Variants in CCDC73 observed in about 807,000 individuals in gnomAD.
CCDC73 encodes coiled-coil domain-containing protein 73.
A neutral mutation model predicts 116.5 loss-of-function variants in CCDC73; 95 were observed. That is an observed-to-expected ratio of 0.82 (90% CI 0.69 to 0.97). CCDC73 has a LOEUF of 0.97. CCDC73 is among the 50% of genes least tolerant of loss of function. The probability of loss-of-function intolerance (pLI) is 0.00; values close to 1 mark genes in which losing one functional copy is unlikely to be tolerated. For missense variants in CCDC73, 1,066 were observed against 1,206.8 expected, an observed-to-expected ratio of 0.88 and a Z score of 1.73; for synonymous variants, 398 against 401.3, an observed-to-expected ratio of 0.99 and a Z score of 0.10.
upstream of CCDC73, among the ~76,000 whole-genome samples, chr11:32,799,292 A>C (rs1346755468): frequency 6.6e-6 from 1 of 151,916 alleles, no homozygotes; most frequent in Non-Finnish European, 1.5e-5. Context: ...GGGTTTCACT[A>C]TGTTGGCCAG....
intron 2 of CCDC73, among the ~76,000 whole-genome samples, chr11:32,753,871 C>T (rs1850309187): frequency 6.6e-6 from 1 of 152,110 alleles, no homozygotes; most frequent in Non-Finnish European, 1.5e-5. Context: ...CTCGGCCTAC[C>T]AAAGTGCTAG....
At chr11:32,806,887 G>C in the CCDC73 span, among the ~76,000 whole-genome samples, 1 of 152,176 alleles carries the variant, frequency 6.6e-6, no homozygotes, top group Admixed American at 6.5e-5. Flanking sequence ...ACCTGCCGCG[G>C]TTTGCCACTG....
intron 1 of CCDC73, among the ~76,000 whole-genome samples, chr11:32,761,592 A>C (rs1038520503): frequency 6.6e-6 from 1 of 152,154 alleles, no homozygotes; most frequent in Non-Finnish European, 1.5e-5. Context: ...CCAAATTTCC[A>C]CCAGCATTTG....
chr11:32,674,558 T>C (rs570654698), intron 9 of CCDC73, among the ~76,000 whole-genome samples: 5 of 152,324 alleles, frequency 3.3e-5, no homozygotes, highest in African/African-American at 1.2e-4. Context: ...CAGGGTTGGT[T>C]GATCCAGTTA....
intron 1 of CCDC73, among the ~76,000 whole-genome samples, chr11:32,766,896 C>A (rs555069493): frequency 1.6e-3 from 249 of 152,258 alleles, no homozygotes; most frequent in Middle Eastern, 0.014. Flanking sequence ...CCATATTGCC[C>A]AAGGTAATTT....
rs1385298517 is a variant in CCDC73, at chr11:32,644,008, C to G, written c.940-1926G>C. ...CTATTTTTAAATTTTTATATTTTTC[C>G]TTTTTAAATTTTTTGGTCAAAAACT... On this transcript the variant is annotated intron_variant, in intron 12 of 17. Coordinates refer to ENST00000335185, the MANE Select transcript of CCDC73 (RefSeq NM_001008391.4). 2.6e-5 allele frequency among the ~76,000 whole-genome samples: 4 copies of G among 151,636 alleles called. 1 individual carries two copies. Among genetic ancestry groups the G allele is most frequent in the South Asian group, 4.2e-4 (2 of 4,792 alleles).
chr11:32,720,004 T>G (rs1315712035), intron 2 of CCDC73, among the ~76,000 whole-genome samples: 1 of 152,136 alleles, frequency 6.6e-6, no homozygotes, highest in Non-Finnish European at 1.5e-5. Flanking sequence ...TTACACAGTC[T>G]CTTCCAGAAA....
chr11:32,791,144 T>C (rs750713641), intron 1 of CCDC73, among the ~76,000 whole-genome samples: 1 of 152,218 alleles, frequency 6.6e-6, no homozygotes, highest in Non-Finnish European at 1.5e-5. Flanking sequence ...AAAATTTCCA[T>C]GGGTCATCAG....
At chr11:32,652,425 C>T (rs1855834502) in intron 12 of CCDC73, among the ~76,000 whole-genome samples, 1 of 152,156 alleles carries the variant, frequency 6.6e-6, no homozygotes. Context: ...TAGAGTGGAC[C>T]TTCACCTTTC....
chr11:32,645,669 C>T (rs956270059), intron 12 of CCDC73, among the ~76,000 whole-genome samples: 3 of 152,024 alleles, frequency 2.0e-5, no homozygotes, highest in Non-Finnish European at 4.4e-5. Context: ...AAACTGGTAA[C>T]AGTCATTATT....
At chr11:32,635,399 G>A (rs1407920844) in intron 14 of CCDC73, among the ~76,000 whole-genome samples, 1 of 152,202 alleles carries the variant, frequency 6.6e-6, no homozygotes, top group Non-Finnish European at 1.5e-5. Flanking sequence ...TCCAGAAATA[G>A]ACCCATATAT....
intron 9 of CCDC73, among the ~76,000 whole-genome samples, chr11:32,672,395 T>C (rs1408768415): frequency 1.3e-5 from 2 of 152,206 alleles, no homozygotes; most frequent in Non-Finnish European, 2.9e-5. Context: ...TCTGTTTTCA[T>C]TTAATGCAAA....
At chr11:32,671,744 A>C (rs939693268) in intron 9 of CCDC73, among the ~76,000 whole-genome samples, 1 of 152,216 alleles carries the variant, frequency 6.6e-6, no homozygotes, top group Non-Finnish European at 1.5e-5. Context: ...AAAGGTAATT[A>C]AATTTTCTCA....
At chr11:32,809,968 G>A in the CCDC73 span, among the ~76,000 whole-genome samples, 1 of 152,236 alleles carries the variant, frequency 6.6e-6, no homozygotes, top group East Asian at 1.9e-4. Flanking sequence ...TTCAGACATA[G>A]GTAATAATAA....
intron 9 of CCDC73, among the ~76,000 whole-genome samples, chr11:32,665,306 G>A: frequency 6.6e-6 from 1 of 152,050 alleles, no homozygotes; most frequent in Non-Finnish European, 1.5e-5. Flanking sequence ...TCTCTTTGTA[G>A]GTCTCTAAGG....
chr11:32,789,157 G>C (rs932391086), intron 1 of CCDC73, among the ~76,000 whole-genome samples: 1 of 151,966 alleles, frequency 6.6e-6, no homozygotes, highest in African/African-American at 2.4e-5. Flanking sequence ...TAATGGAGAA[G>C]GATTTTTAGA....
At chr11:32,746,394 G>A (rs1266734424) in intron 2 of CCDC73, among the ~76,000 whole-genome samples, 3 of 152,024 alleles carry the variant, frequency 2.0e-5, no homozygotes, top group Non-Finnish European at 4.4e-5. Context: ...GAATTTGACA[G>A]TTATGTGTCT....
intron 6 of CCDC73, among the ~76,000 whole-genome samples, chr11:32,695,175 C>A (rs1272679278): frequency 6.6e-6 from 1 of 152,098 alleles, no homozygotes; most frequent in African/African-American, 2.4e-5. Context: ...TCAAGACCAG[C>A]CTGGCCAACG....
intron 14 of CCDC73, among the ~76,000 whole-genome samples, chr11:32,626,637 C>T (rs893963634): frequency 5.9e-5 from 9 of 152,072 alleles, no homozygotes; most frequent in Non-Finnish European, 1.2e-4. Flanking sequence ...AGATATAGAC[C>T]AATGGAACAG....
Sources: gnomAD v4.1 joint callset for allele counts (sites outside exome capture counted in the v4.1 genomes callset) on GRCh38, gnomAD v4.1.1 for gene constraint, MANE v1.5 for transcripts, NCBI Gene and HGNC (gene_info 2026-07-23, HGNC 2026-07-21) for gene names.